Variants in DCLK2 observed in about 807,000 individuals in gnomAD.
DCLK2 encodes doublecortin like kinase 2, also known as serine/threonine-protein kinase DCLK2.
DCLK2 carries 31 observed loss-of-function variants against 78.4 expected under a neutral mutation model. The ratio of observed to expected loss-of-function variants is 0.40; its 90% CI spans 0.30 to 0.53. The LOEUF is 0.53. Among genes scored for constraint, DCLK2 ranks in the 20% least tolerant of loss-of-function variants. DCLK2 has a pLI of 0.61. For missense variants in DCLK2, 872 were observed against 973.7 expected, an observed-to-expected ratio of 0.90 and a Z score of 1.39; for synonymous variants, 407 against 374.9, an observed-to-expected ratio of 1.09 and a Z score of -0.99.
At chr4:150,242,285 A>C (rs1378752049) in intron 12 of DCLK2, among the ~76,000 whole-genome samples, 2 of 152,188 alleles carry the variant, frequency 1.3e-5, no homozygotes, top group Non-Finnish European at 2.9e-5. Context: ...AATCACAAGG[A>C]TGTAGCATTC....
intron 10 of DCLK2, among the ~76,000 whole-genome samples, chr4:150,238,682 T>C (rs1223848508): frequency 1.3e-5 from 2 of 152,182 alleles, no homozygotes; most frequent in African/African-American, 2.4e-5. Context: ...GGAGCATTTA[T>C]TGAGCCCTGT....
Position 150,245,861 on chromosome 4 carries a change from G to A in DCLK2, c.1779-1742G>A, listed in dbSNP as rs554022186. The stretch of plus-strand genomic sequence containing the variant: ...GAAGACAGGGTGGCAATTCCTCAAG[G>A]ATCCAGAACTAGAAATACCATTTGA... On this transcript the variant is annotated intron_variant, in intron 12 of 15. Coordinates refer to ENST00000296550, the MANE Select transcript of DCLK2 (RefSeq NM_001040260.4). 1.8e-4 allele frequency among the ~76,000 whole-genome samples: 27 copies of A among 152,182 alleles called. No homozygotes were observed. The South Asian group carries it at 2.5e-3, about 14-fold the overall frequency.
intron 1 of DCLK2, among the ~76,000 whole-genome samples, chr4:150,092,054 C>A (rs1165809289): frequency 6.6e-6 from 1 of 151,982 alleles, no homozygotes; most frequent in Non-Finnish European, 1.5e-5. Flanking sequence ...TAAGTGAAGC[C>A]ATGCTACATT....
intron 1 of DCLK2, among the ~76,000 whole-genome samples, chr4:150,092,796 C>T (rs1351394471): frequency 3.3e-5 from 5 of 151,922 alleles, no homozygotes; most frequent in South Asian, 2.1e-4. Context: ...AGGAATTTAC[C>T]TCAAAATAAT....
At chr4:150,161,540 A>G (rs1310951304) in intron 2 of DCLK2, among the ~76,000 whole-genome samples, 1 of 152,234 alleles carries the variant, frequency 6.6e-6, no homozygotes, top group Non-Finnish European at 1.5e-5. Context: ...ATAAAAGACA[A>G]TGTGACACCC....
chr4:150,123,657 A>C lies in DCLK2; in HGVS notation c.756+20845A>C, dbSNP rs561698121. Among the ~76,000 whole-genome samples, 5 of 152,312 alleles carry C rather than the reference A, an allele frequency of 3.3e-5. No individual in the cohort carries two copies. The South Asian group carries it at 1.0e-3, about 32-fold the overall frequency. On this transcript the variant is annotated intron_variant, in intron 2 of 15. Transcript: ENST00000296550. Reference sequence around the variant, plus strand: ...TGCCACGAAACTTCCATTCGTAAAAAGCTCAGTGTCTGTGAAGTGCAGTAA... The same window carrying C: ...TGCCACGAAACTTCCATTCGTAAAACGCTCAGTGTCTGTGAAGTGCAGTAA...
At chr4:150,127,695 T>A (rs1733015884) in intron 2 of DCLK2, among the ~76,000 whole-genome samples, 1 of 152,220 alleles carries the variant, frequency 6.6e-6, no homozygotes, top group African/African-American at 2.4e-5. Context: ...GCACCTTCTC[T>A]CCGTGTGTGT....
intron 15 of DCLK2, among the ~76,000 whole-genome samples, chr4:150,254,742 G>A (rs889649142): frequency 2.6e-5 from 4 of 152,164 alleles, no homozygotes; most frequent in Admixed American, 2.6e-4. Flanking sequence ...GTGCGGTGGT[G>A]TGATCCTAGC....
intron 2 of DCLK2, among the ~76,000 whole-genome samples, chr4:150,135,534 G>A (rs1283217051): frequency 6.6e-6 from 1 of 152,172 alleles, no homozygotes; most frequent in African/African-American, 2.4e-5. Context: ...AAGCAATGAA[G>A]GAGAATAAAA....
intron 2 of DCLK2, among the ~76,000 whole-genome samples, chr4:150,164,575 G>C (rs755549169): frequency 1.3e-5 from 2 of 152,172 alleles, no homozygotes; most frequent in Non-Finnish European, 2.9e-5. Flanking sequence ...GAGGTGGGTG[G>C]ATCACCTGAG....
chr4:150,081,092 C>G (rs1216060546), intron 1 of DCLK2, among the ~76,000 whole-genome samples: 1 of 152,210 alleles, frequency 6.6e-6, no homozygotes, highest in African/African-American at 2.4e-5. Flanking sequence ...TTTGCAGGAT[C>G]AAGGCAATGC....
chr4:150,240,145 G>T (rs571708147), intron 11 of DCLK2, among the ~76,000 whole-genome samples: 1 of 152,312 alleles, frequency 6.6e-6, no homozygotes, highest in South Asian at 2.1e-4. Flanking sequence ...TGCTTACCTG[G>T]CCAGAGCCCT....
chr4:150,111,438 T>G (rs1354456526), intron 2 of DCLK2, among the ~76,000 whole-genome samples: 2 of 152,178 alleles, frequency 1.3e-5, no homozygotes, highest in African/African-American at 2.4e-5. Context: ...GTTGTCTGTT[T>G]ACTCTGATAA....
At chr4:150,227,674 G>T (rs1741718510) in intron 8 of DCLK2, among the ~76,000 whole-genome samples, 1 of 152,178 alleles carries the variant, frequency 6.6e-6, no homozygotes, top group Admixed American at 6.5e-5. Context: ...ATAAATTTAA[G>T]AATTCTTCCA....
At chr4:150,168,158 A>G (rs1312907706) in intron 2 of DCLK2, among the ~76,000 whole-genome samples, 2 of 152,188 alleles carry the variant, frequency 1.3e-5, no homozygotes, top group Non-Finnish European at 2.9e-5. Context: ...CCTGGCTAAC[A>G]CAGTGAAACC....
At chr4:150,096,214 G>A (rs1342078864) in intron 1 of DCLK2, among the ~76,000 whole-genome samples, 7 of 152,192 alleles carry the variant, frequency 4.6e-5, no homozygotes, top group African/African-American at 1.7e-4. Flanking sequence ...TGGGGGAAGG[G>A]CAGTGAAGAA....
chr4:150,232,664 CT>C lies in DCLK2; in HGVS notation c.1420-14del, dbSNP rs1252882133. 2 of 1,612,320 alleles carry C rather than the reference CT, an allele frequency of 1.2e-6. No homozygotes were observed. Among genetic ancestry groups the C allele is most frequent in the Non-Finnish European group, 1.7e-6 (2 of 1,178,814 alleles). On this transcript the variant is annotated splice_polypyrimidine_tract_variant and intron_variant, in intron 9 of 15. Transcript: ENST00000296550. ...TGCACTGTTGATGCTTTGATATGTT[CT>C]TTTATGTATCGTTTAGGGTGGAGAT...
chr4:150,204,730 A>G (rs1299777928), intron 5 of DCLK2, among the ~76,000 whole-genome samples: 1 of 152,082 alleles, frequency 6.6e-6, no homozygotes, highest in Non-Finnish European at 1.5e-5. Context: ...TGACTCTACT[A>G]AAAATACAAA....
intron 1 of DCLK2, 110 bp downstream of exon 1, chr4:150,079,558 A>T: frequency 1.8e-6 from 2 of 1,102,958 alleles, no homozygotes; most frequent in Non-Finnish European, 2.5e-6. Context: ...CCGCACGGGA[A>T]TTGATGCTTC....
Sources: gnomAD v4.1 joint callset for allele counts (sites outside exome capture counted in the v4.1 genomes callset) on GRCh38, gnomAD v4.1.1 for gene constraint, MANE v1.5 for transcripts, NCBI Gene and HGNC (gene_info 2026-07-23, HGNC 2026-07-21) for gene names.